The following CACNG2 variants were observed in gnomAD, a reference collection of about 807,000 sequenced individuals.
The protein encoded by CACNG2 is voltage-dependent calcium channel gamma-2 subunit.
A neutral mutation model predicts 25.9 loss-of-function variants in CACNG2; 3 were observed. That is an observed-to-expected ratio of 0.12 (90% confidence interval 0.05 to 0.30). The LOEUF (loss-of-function observed/expected upper bound fraction) is 0.30, where lower values mean the gene tolerates loss of function less well. Ranked by LOEUF, CACNG2 falls within the 10% of genes least tolerant of loss-of-function variation. CACNG2 has a pLI of 1.00. For synonymous variants in CACNG2, 167 were observed against 173.3 expected (o/e 0.96, Z 0.29); for missense variants, 341 against 432.5 (o/e 0.79, Z 1.88).
At position 36,642,817 on chromosome 22, in the gene CACNG2, C is replaced by T. The variant is rs77887012; in HGVS notation, c.212-55269G>A. ...TGGTAGCAGACAGCTAACCCAGCAC[C>T]GATGCAAAGCTACTGAGTTAGTGAC... On this transcript the variant is annotated intron_variant, in intron 1 of 3. Coordinates refer to ENST00000300105, the MANE Select transcript of CACNG2 (RefSeq NM_006078.5). 2.9e-3 allele frequency among the ~76,000 whole-genome samples: 441 copies of T among 152,222 alleles called. 3 individuals are homozygous for T. The highest frequency in any genetic ancestry group is 9.9e-3 in the African/African-American group (413 of 41,516).
At position 36,566,365 on chromosome 22, in the gene CACNG2, A is replaced by G; in HGVS notation, c.424T>C (p.Phe142Leu). Residue 142 changes from phenylalanine to leucine, a missense_variant, in exon 3 of 4, where the codon TTC becomes CTC. Physicochemically the swap from Phe to Leu is conservative, Grantham distance 22. Transcript: ENST00000300105. ...HNIILSAGIFFVSAGLSNIIG... is the reference protein window; with the variant it reads ...HNIILSAGIFLVSAGLSNIIG... ...CAGTGGCTGTTACCTGCAGACACGAAGAAGATGCCGGCACTCAGGATGATG... is the reference window on the plus strand; with the variant it reads ...CAGTGGCTGTTACCTGCAGACACGAGGAAGATGCCGGCACTCAGGATGATG... The G allele has an allele frequency of 6.2e-7, 1 of 1,614,130 alleles. No individual in the cohort carries two copies. Among genetic ancestry groups the G allele is most frequent in the Non-Finnish European group, 8.5e-7 (1 of 1,180,032 alleles).
At chr22:36,593,777 T>C (rs1013540265) in intron 1 of CACNG2, among the ~76,000 whole-genome samples, 5 of 151,434 alleles carry the variant, frequency 3.3e-5, no homozygotes, top group Non-Finnish European at 7.4e-5. Context: ...CTGGTGGCCA[T>C]GAGGCTGTGA....
intron 1 of CACNG2, among the ~76,000 whole-genome samples, chr22:36,692,549 C>T (rs972472947): frequency 1.3e-5 from 2 of 152,184 alleles, no homozygotes; most frequent in Admixed American, 6.5e-5. Context: ...TGTTACCAAG[C>T]GTTTTTCAGC....
chr22:36,665,228 G>A (rs1024489933), intron 1 of CACNG2, among the ~76,000 whole-genome samples: 8 of 152,166 alleles, frequency 5.3e-5, no homozygotes, highest in African/African-American at 1.9e-4. Context: ...GCCTGATGAC[G>A]AGTGTGTGGG....
chr22:36,570,535 G>A (rs1010851837), intron 2 of CACNG2, among the ~76,000 whole-genome samples: 7 of 152,026 alleles, frequency 4.6e-5, no homozygotes, highest in Admixed American at 2.6e-4. Context: ...AGAGGTGGGT[G>A]GATCACCTGA....
intron 1 of CACNG2, among the ~76,000 whole-genome samples, chr22:36,632,178 T>A (rs1936282162): frequency 6.6e-6 from 1 of 151,936 alleles, no homozygotes; most frequent in Non-Finnish European, 1.5e-5. Flanking sequence ...TTTCTGACTT[T>A]TTTTTTTAAA....
At chr22:36,652,409 C>T (rs896552739) in intron 1 of CACNG2, among the ~76,000 whole-genome samples, 3 of 152,160 alleles carry the variant, frequency 2.0e-5, no homozygotes, top group African/African-American at 2.4e-5. Context: ...TACAGTCTCT[C>T]GGGCCTTCTT....
rs773454341 is a variant in CACNG2, at chr22:36,688,539, C to CCA, written c.211+13826_211+13827insTG. Among the ~76,000 whole-genome samples the CCA allele has an allele frequency of 2.3e-4, 16 of 70,134 alleles. 1 individual carries two copies. Among genetic ancestry groups the CCA allele is most frequent in the Admixed American group, 6.2e-4 (4 of 6,490 alleles). The allele number at this position is 70,134 out of a possible 152,430, so 46.0% of individuals were successfully genotyped here. On this transcript the variant is annotated intron_variant, in intron 1 of 3. Coordinates refer to ENST00000300105, the MANE Select transcript of CACNG2 (RefSeq NM_006078.5). ...TGGGCGACAGAGTGAGACCCTGTCT[C>CCA]AAAAAAAAAAAAAAAAAAAAAGTAG...
At chr22:36,629,445 G>A (rs532494600) in intron 1 of CACNG2, among the ~76,000 whole-genome samples, 1 of 152,184 alleles carries the variant, frequency 6.6e-6, no homozygotes, top group East Asian at 1.9e-4. Context: ...ACAGTGAGCA[G>A]TAAATGCTGG....
intron 2 of CACNG2, among the ~76,000 whole-genome samples, chr22:36,576,325 A>T (rs998413682): frequency 6.6e-6 from 1 of 152,144 alleles, no homozygotes; most frequent in Non-Finnish European, 1.5e-5. Context: ...GAGCTAACCT[A>T]CGAGGATGCA....
rs369762922 is a variant in CACNG2 at position 36,668,144 on chromosome 22, G to T, written c.211+34222C>A. On this transcript the variant is annotated intron_variant, in intron 1 of 3. Coordinates refer to ENST00000300105, the MANE Select transcript of CACNG2 (RefSeq NM_006078.5). ...CTCCGCATCCTGATGCCTCTGCCGGGCTCTCGGCTCCTCTCTCCCTCCTTA... is the reference window on the plus strand; with the variant it reads ...CTCCGCATCCTGATGCCTCTGCCGGTCTCTCGGCTCCTCTCTCCCTCCTTA... 3.9e-5 allele frequency among the ~76,000 whole-genome samples: 6 copies of T among 152,294 alleles called. No individual in the cohort carries two copies. The East Asian group carries it at 9.7e-4, about 25-fold the overall frequency.
chr22:36,684,629 A>AAAC (rs1555901399), intron 1 of CACNG2, among the ~76,000 whole-genome samples: 8 of 151,960 alleles, frequency 5.3e-5, no homozygotes, highest in African/African-American at 1.9e-4. Flanking sequence ...AAAAAAAAAA[A>AAAC]AACAAAGTAA....
In CACNG2 at chr22:36,564,560, C is replaced by G; in HGVS notation, c.763G>C (p.Val255Leu). ...AGGGTGTTGAAGCCCTTGATGCCCA[C>G]GGGGGAGGCGTCCCTGGAGTGTGAG... ...EPSHSRDASP[V>L]GIKGFNTLPS... The change falls in exon 4 of 4, where the codon GTG becomes CTG. Residue 255 changes from valine (V) to leucine (L), a missense_variant. Around this residue, in one of 2 missense-constraint regions of CACNG2, gnomAD observed 172 missense variants for 178.1 expected, o/e 0.97. Coordinates refer to ENST00000300105, the MANE Select transcript of CACNG2 (RefSeq NM_006078.5). The surrounding 1 kb of genome is among the most constrained non-coding windows in gnomAD (Gnocchi z 6.7). The G allele has an allele frequency of 6.2e-7, 1 of 1,613,980 alleles. No individual in the cohort carries two copies. Among genetic ancestry groups the G allele is most frequent in the South Asian group, 1.1e-5 (1 of 91,076 alleles).
intron 1 of CACNG2, among the ~76,000 whole-genome samples, chr22:36,695,805 G>A (rs1477763652): frequency 6.6e-6 from 1 of 151,932 alleles, no homozygotes; most frequent in Non-Finnish European, 1.5e-5. Flanking sequence ...AATGTGAATC[G>A]GGGTTCAACA....
intron 1 of CACNG2, among the ~76,000 whole-genome samples, chr22:36,618,949 C>A (rs74543203): frequency 4.7e-5 from 1 of 21,178 alleles, no homozygotes; most frequent in African/African-American, 1.2e-4. Flanking sequence ...AAAAAGCAAA[C>A]AAACAAACAA....
chr22:36,586,730 C>CT (rs34913046), intron 2 of CACNG2, among the ~76,000 whole-genome samples: 60,282 of 151,980 alleles, frequency 0.4, 12,468 homozygotes, highest in African/African-American at 0.5. Flanking sequence ...GCCTGAGAAC[C>CT]TCGGCTTTGC....
Position 36,587,498 on chromosome 22 carries a change from C to T in CACNG2, c.262G>A (p.Asp88Asn). ...KQIDHFPEDA[D>N]YEADTAEYFL... ...TATTCTGCTGTGTCAGCTTCGTAAT[C>T]TGCATCCTCTGGGAAGTGATCAATT... Residue 88 changes from aspartate (D) to asparagine (N), a missense_variant, in exon 2 of 4, where the codon GAT becomes AAT. Asp to Asn is a conservative substitution (Grantham distance 23). This residue lies in a region of CACNG2 where 169 missense variants were observed against 254.4 expected (regional missense o/e 0.66). Transcript: ENST00000300105. 1 of 1,613,786 alleles carries T rather than the reference C, an allele frequency of 6.2e-7. No homozygotes were observed. The highest frequency in any genetic ancestry group is 8.5e-7 in the Non-Finnish European group (1 of 1,179,642).
intron 1 of CACNG2, among the ~76,000 whole-genome samples, chr22:36,644,758 G>T (rs1304942208): frequency 6.6e-6 from 1 of 152,098 alleles, no homozygotes; most frequent in South Asian, 2.1e-4. Flanking sequence ...GTTACTAAGT[G>T]CTTAAAACAG....
chr22:36,578,263 CAGA>C (rs1005868968), intron 2 of CACNG2, among the ~76,000 whole-genome samples: 2 of 150,718 alleles, frequency 1.3e-5, no homozygotes, highest in African/African-American at 2.4e-5. Context: ...GCTACTGAGA[CAGA>C]AGAATTGCTT....
Sources: gnomAD v4.1 joint callset for allele counts (sites outside exome capture counted in the v4.1 genomes callset) on GRCh38, gnomAD v4.1.1 for gene constraint, gnomAD v4.1.1 regional missense constraint, Gnocchi (gnomAD v3.1) non-coding constraint, MANE v1.5 for transcripts, NCBI Gene and HGNC (gene_info 2026-07-23, HGNC 2026-07-21) for gene names.